The following ZBTB25 variants were observed in gnomAD, a reference collection of about 807,000 sequenced individuals.
ZBTB25 encodes the protein zinc finger and BTB domain-containing protein 25.
Under a neutral mutation model 34.2 loss-of-function variants are expected in ZBTB25, and 20 were observed. That is an observed-to-expected ratio of 0.58 (90% CI 0.41 to 0.85). The LOEUF is 0.85. Among genes scored for constraint, ZBTB25 ranks in the 40% least tolerant of loss-of-function variants. The probability of loss-of-function intolerance (pLI) is 0.00; values close to 1 mark genes in which losing one functional copy is unlikely to be tolerated. For missense variants in ZBTB25, 437 were observed against 521.8 expected (o/e 0.84, Z 1.58); for synonymous variants, 175 against 186.4 (o/e 0.94, Z 0.50).
intron 1 of ZBTB25, among the ~76,000 whole-genome samples, chr14:64,501,082 G>T (rs2079480953): frequency 6.6e-6 from 1 of 151,992 alleles, no homozygotes; most frequent in Non-Finnish European, 1.5e-5. Flanking sequence ...AACCCCAGAA[G>T]TATAAAAAAA....
intron 2 of ZBTB25, chr14:64,459,619 C>T: frequency 1.4e-6 from 1 of 692,766 alleles, no homozygotes; most frequent in Non-Finnish European, 2.4e-6. Context: ...TGGACACGCC[C>T]TAGAAGAGCT....
chr14:64,456,917 AT>A (rs2078483718), intron 2 of ZBTB25, among the ~76,000 whole-genome samples: 1 of 152,160 alleles, frequency 6.6e-6, no homozygotes, highest in African/African-American at 2.4e-5. Context: ...TCTAGATTTG[AT>A]TTGGAACTTG....
rs745930738 is a variant in ZBTB25, at chr14:64,480,322, CAAAAAAA to C, written c.*6594_*6600del. On this transcript the variant is annotated 3_prime_UTR_variant, in exon 3 of 3. Transcript: ENST00000608382. ...TGGGCAACAGAGCAAGACTCCATCTCAAAAAAAAAAAAAAAAAAAAAAAAGAAGAAGC... is the reference window on the plus strand; with the variant it reads ...TGGGCAACAGAGCAAGACTCCATCTCAAAAAAAAAAAAAAAAAGAAGAAGC... 1,500 of 207,026 alleles carry C rather than the reference CAAAAAAA, an allele frequency of 7.2e-3. 9 individuals are homozygous for C. Among genetic ancestry groups the C allele is most frequent in the African/African-American group, 0.037 (694 of 18,802 alleles). The allele number at this position is 207,026 out of a possible 1,614,324, so 12.8% of individuals were successfully genotyped here. A position where few individuals can be genotyped will look rare whatever the true frequency, so the allele number is the denominator to read the frequency against.
intron 2 of ZBTB25, chr14:64,458,660 G>A (rs1281424371): frequency 2.8e-6 from 1 of 361,570 alleles, no homozygotes; most frequent in Non-Finnish European, 5.3e-6. Flanking sequence ...CACATTGCAG[G>A]TCAGGAACAG....
chr14:64,458,520 C>T, intron 2 of ZBTB25: 3 of 578,836 alleles, frequency 5.2e-6, no homozygotes, highest in Non-Finnish European at 9.3e-6. Flanking sequence ...GGAAGAAGCG[C>T]AGCATGGCTT....
At chr14:64,490,621 G>T in intron 1 of ZBTB25, 81 bp from the exon 2 acceptor site, 1 of 1,295,692 alleles carries the variant, frequency 7.7e-7, no homozygotes, top group Non-Finnish European at 1.0e-6. Flanking sequence ...ATTGTCTACA[G>T]TTCACACAAA....
intron 2 of ZBTB25, chr14:64,462,384 C>G (rs192426578): frequency 6.6e-6 from 1 of 152,336 alleles, no homozygotes; most frequent in Admixed American, 6.5e-5. Flanking sequence ...ACTGAGCCAC[C>G]GCATTCCAGC....
downstream of ZBTB25, among the ~76,000 whole-genome samples, chr14:64,476,613 G>A (rs927705206): frequency 4.6e-5 from 7 of 152,148 alleles, no homozygotes; most frequent in Admixed American, 3.9e-4. Flanking sequence ...AAGCCACCAC[G>A]CCCAGCTCAA....
chr14:64,497,769 C>T (rs2079328456), intron 1 of ZBTB25, among the ~76,000 whole-genome samples: 1 of 152,166 alleles, frequency 6.6e-6, no homozygotes, highest in Non-Finnish European at 1.5e-5. Flanking sequence ...ATCTACTGTA[C>T]TAGACTGGAC....
At chr14:64,477,083 C>T (rs929405632), downstream of ZBTB25, among the ~76,000 whole-genome samples, 2 of 152,168 alleles carry the variant, frequency 1.3e-5, no homozygotes, top group African/African-American at 2.4e-5. Context: ...GATTTCTATA[C>T]CACTTGTCTA....
At chr14:64,500,604 C>T (rs2079457972) in intron 1 of ZBTB25, among the ~76,000 whole-genome samples, 1 of 152,090 alleles carries the variant, frequency 6.6e-6, no homozygotes, top group African/African-American at 2.4e-5. Context: ...CAAGACCAGC[C>T]TGGCCAATAT....
At chr14:64,465,314 A>C (rs926636859) in intron 2 of ZBTB25, among the ~76,000 whole-genome samples, 4 of 151,458 alleles carry the variant, frequency 2.6e-5, no homozygotes, top group Admixed American at 1.3e-4. Flanking sequence ...GCCCGGGCGG[A>C]GCACGATGGG....
At position 64,485,356 on chromosome 14, in the gene ZBTB25, C is replaced by T. The variant is rs1194678456; in HGVS notation, c.*1567G>A. On this transcript the variant is annotated 3_prime_UTR_variant, in exon 3 of 3. Coordinates refer to ENST00000608382, the MANE Select transcript of ZBTB25 (RefSeq NM_006977.5). ...AATGCCCGTGAAGCTTAGAATTTAA[C>T]AAGAGGGCAAAAAAAGATGAGTCTG... The T allele has an allele frequency of 2.0e-6, 2 of 985,226 alleles. No individual in the cohort carries two copies. Among genetic ancestry groups the T allele is most frequent in the Admixed American group, 1.2e-4 (2 of 16,262 alleles). 61.0% of individuals were successfully genotyped at this position (985,226 alleles called of 1,614,324 possible). A position where few individuals can be genotyped will look rare whatever the true frequency, so the allele number is the denominator to read the frequency against.
intron 2 of ZBTB25, chr14:64,469,701 G>GA (rs1461830835): frequency 2.1e-5 from 31 of 1,477,076 alleles, no homozygotes; most frequent in Non-Finnish European, 2.6e-5. Flanking sequence ...AGTCACGGCA[G>GA]AAAAAACAAG....
chr14:64,487,114 C>T lies in ZBTB25; in HGVS notation c.1117G>A (p.Gly373Ser). 1 of 1,614,166 alleles carries T rather than the reference C, an allele frequency of 6.2e-7. No individual in the cohort carries two copies. The change falls in exon 3 of 3, where the codon GGT becomes AGT. Residue 373 changes from glycine (G) to serine (S), a missense_variant. Coordinates refer to ENST00000608382, the MANE Select transcript of ZBTB25 (RefSeq NM_006977.5). ...CATCGGTTATATCTGTAAGATTTAC[C>T]TTTGTGTGTATACATGTGTTCCAAC... ...QLLEHMYTHK[G>S]KSYRYNRCQR...
intron 1 of ZBTB25, among the ~76,000 whole-genome samples, chr14:64,500,636 A>T (rs928335714): frequency 2.6e-5 from 4 of 152,136 alleles, no homozygotes; most frequent in African/African-American, 9.7e-5. Flanking sequence ...CTCTACTAAA[A>T]ATACAAAAAT....
intron 2 of ZBTB25, chr14:64,459,652 G>A (rs1220639463): frequency 1.0e-6 from 1 of 959,062 alleles, no homozygotes; most frequent in Admixed American, 2.8e-5. Flanking sequence ...GGATGTAAAT[G>A]TTAACAGCTT....
chr14:64,487,185 AT>A lies in ZBTB25; in HGVS notation c.1045del (p.Met349Ter). On this transcript the variant is annotated frameshift_variant, in exon 3 of 3. Transcript: ENST00000608382. LOFTEE classifies it high-confidence loss of function. ...CNFSFSRKRK[M>X]SCTICGHKFP... ...TTTATGACCACAGATGGTACAGCTC[AT>A]TTTTCTTTTCCTTGAAAAAGAAAAA... The A allele has an allele frequency of 8.7e-6, 14 of 1,614,022 alleles. No individual in the cohort carries two copies. Among genetic ancestry groups the A allele is most frequent in the Non-Finnish European group, 1.2e-5 (14 of 1,179,966 alleles).
At chr14:64,449,256 A>C (rs936076347) in exon 3 of ZBTB25, 7 of 659,886 alleles carry the variant, frequency 1.1e-5, no homozygotes, top group Admixed American at 6.6e-5. Context: ...TGAGGCACAT[A>C]AAGATTAGGT....
Sources: allele counts gnomAD v4.1 joint callset (sites outside exome capture counted in the v4.1 genomes callset), GRCh38; gene constraint gnomAD v4.1.1; transcripts MANE v1.5; gene names NCBI Gene and HGNC (gene_info 2026-07-23, HGNC 2026-07-21).